Variants in KLRF1 observed in about 807,000 individuals in gnomAD.
KLRF1 encodes killer cell lectin-like receptor subfamily F member 1.
A neutral mutation model predicts 30.7 loss-of-function variants in KLRF1; 27 were observed. That is an observed-to-expected ratio of 0.88 (90% CI 0.65 to 1.21). KLRF1 has a LOEUF of 1.21. Among genes scored for constraint, KLRF1 ranks in the 50% most tolerant of loss-of-function variants. The pLI is 0.00. For missense variants in KLRF1, 246 were observed against 259.3 expected, an observed-to-expected ratio of 0.95 and a Z score of 0.35; for synonymous variants, 92 against 89.3, an observed-to-expected ratio of 1.03 and a Z score of -0.17.
chr12:9,844,306 A>C lies in KLRF1; in HGVS notation c.588-112A>C, dbSNP rs58725336. On this transcript the variant is annotated intron_variant, in intron 5 of 5. Transcript: ENST00000617889. ...CGTTAGTGAATCCAAGTATGTAAAA[A>C]TGCTTTGAGATTTTGAATTACTTTT... The C allele has an allele frequency of 1.2e-3, 745 of 609,896 alleles. 3 individuals carry two copies. The African/African-American group carries it at 0.013, about 11-fold the overall frequency. 37.8% of individuals were successfully genotyped at this position (609,896 alleles called of 1,614,324 possible). A position where few individuals can be genotyped will look rare whatever the true frequency, so the allele number is the denominator to read the frequency against.
intron 1 of KLRF1, 37 bp from the exon 2 acceptor site, chr12:9,832,279 T>C: frequency 8.7e-7 from 1 of 1,147,034 alleles, no homozygotes; most frequent in South Asian, 1.3e-5. Context: ...CCTGGAAGCA[T>C]ACTTTTCTAA....
chr12:9,835,582 T>C (rs1867557838), intron 3 of KLRF1, among the ~76,000 whole-genome samples: 1 of 152,084 alleles, frequency 6.6e-6, no homozygotes, highest in African/African-American at 2.4e-5. Context: ...TCCTAAGCAA[T>C]AATTACTGCT....
chr12:9,801,380 G>A, the KLRF1 span, among the ~76,000 whole-genome samples: 4 of 151,910 alleles, frequency 2.6e-5, no homozygotes, highest in Non-Finnish European at 2.9e-5. Flanking sequence ...GGATTGCTGG[G>A]TCAAATGGTA....
rs1231498860 is a variant in KLRF1, at chr12:9,832,366, A to G, written c.136A>G (p.Thr46Ala). The G allele has an allele frequency of 3.7e-6, 6 of 1,610,414 alleles. No homozygotes were observed. The highest frequency in any genetic ancestry group is 5.1e-6 in the Non-Finnish European group (6 of 1,177,280). Residue 46 changes from threonine to alanine, a missense_variant, in exon 2 of 6, where the codon ACC becomes GCC. Thr to Ala is a moderately conservative substitution (Grantham distance 58). Coordinates refer to ENST00000617889, the MANE Select transcript of KLRF1 (RefSeq NM_016523.3). ...TAAAATCTTACTGGGAATATCTGGA[A>G]CCGTGAATGGTATTCTCACTTTGAC... ...WYKILLGISG[T>A]VNGILTLTLI... is the part of the protein sequence containing the mutation.
At chr12:9,809,475 C>T in the KLRF1 span, among the ~76,000 whole-genome samples, 4 of 151,968 alleles carry the variant, frequency 2.6e-5, no homozygotes, top group African/African-American at 4.8e-5. Flanking sequence ...TAGTTGAAAC[C>T]GTAACTTAAG....
chr12:9,832,424 G>A lies in KLRF1; in HGVS notation c.184+10G>A. 1 of 1,432,162 alleles carries A rather than the reference G, an allele frequency of 7.0e-7. No homozygotes were observed. Among genetic ancestry groups the A allele is most frequent in the Non-Finnish European group, 9.8e-7 (1 of 1,019,312 alleles). 88.7% of individuals were successfully genotyped at this position (1,432,162 alleles called of 1,614,324 possible). On this transcript the variant is annotated intron_variant, in intron 2 of 5. Transcript: ENST00000617889. ...TCCTTGATCCTGTTGGGTAAGTTTA[G>A]AAGATCTTAATTAAATAAAAATATG... is the stretch of plus-strand genomic sequence containing the variant.
upstream of KLRF1, chr12:9,827,349 A>G (rs1439496414): frequency 5.6e-6 from 2 of 354,910 alleles, no homozygotes; most frequent in Non-Finnish European, 1.0e-5. Context: ...GTCATGGGAA[A>G]GCAACTTTTA....
chr12:9,813,083 G>T, the KLRF1 span, among the ~76,000 whole-genome samples: 1 of 152,010 alleles, frequency 6.6e-6, no homozygotes. Flanking sequence ...GTGCACTGTG[G>T]AAACCTGCTG....
the KLRF1 span, among the ~76,000 whole-genome samples, chr12:9,811,494 A>G: frequency 6.6e-6 from 1 of 152,170 alleles, no homozygotes; most frequent in Non-Finnish European, 1.5e-5. Flanking sequence ...GAAGAAGCTC[A>G]TGCAGAGCCC....
the KLRF1 span, among the ~76,000 whole-genome samples, chr12:9,804,147 C>G: frequency 8.6e-5 from 13 of 151,060 alleles, no homozygotes; most frequent in Admixed American, 2.0e-4. Flanking sequence ...GAAATGATAT[C>G]TTATTATGGT....
chr12:9,844,601 G>T lies in KLRF1; in HGVS notation c.*75G>T. 1 of 770,986 alleles carries T rather than the reference G, an allele frequency of 1.3e-6. No homozygotes were observed. Among genetic ancestry groups the T allele is most frequent in the Non-Finnish European group, 2.2e-6 (1 of 462,986 alleles). 47.8% of individuals were successfully genotyped at this position (770,986 alleles called of 1,614,324 possible). ...TATTAGTTTCTAATATTAATCTCCA[G>T]GTGTAAGATTTTAAAGTGCAATTAA... On this transcript the variant is annotated 3_prime_UTR_variant, in exon 6 of 6. Transcript: ENST00000617889.
upstream of KLRF1, among the ~76,000 whole-genome samples, chr12:9,825,260 T>TAA (rs35934573): frequency 0.034 from 4,726 of 138,032 alleles, 260 homozygotes; most frequent in African/African-American, 0.11. Context: ...AAGGTACTGG[T>TAA]AAAAAAAAAA....
At chr12:9,841,989 G>T (rs1279221940) in intron 4 of KLRF1, 38 bp downstream of exon 4, 13 of 1,560,684 alleles carry the variant, frequency 8.3e-6, no homozygotes, top group Non-Finnish European at 1.0e-5. Context: ...CATCTTTGCA[G>T]TAAAAAATGG....
the KLRF1 span, among the ~76,000 whole-genome samples, chr12:9,812,495 A>G: frequency 6.6e-6 from 1 of 152,140 alleles, no homozygotes; most frequent in Non-Finnish European, 1.5e-5. Flanking sequence ...CAATCTGTCA[A>G]GATATTTTGG....
At chr12:9,842,486 T>C in intron 5 of KLRF1, 53 bp downstream of exon 5, 1 of 1,526,564 alleles carries the variant, frequency 6.6e-7, no homozygotes, top group Non-Finnish European at 9.0e-7. Context: ...AGAATATGTC[T>C]CCTCCAGGTT....
chr12:9,835,411 C>T (rs978168574), intron 3 of KLRF1, among the ~76,000 whole-genome samples: 7 of 151,946 alleles, frequency 4.6e-5, no homozygotes, highest in Middle Eastern at 3.4e-3. Flanking sequence ...GGGGGAGGTT[C>T]GATTTTCATG....
intron 1 of KLRF1, 67 bp from the exon 2 acceptor site, chr12:9,832,249 C>A (rs766275155): frequency 7.2e-6 from 6 of 832,204 alleles, no homozygotes; most frequent in Non-Finnish European, 1.2e-5. Context: ...CCTATTATTA[C>A]AATTGCTATT....
At chr12:9,814,248 G>C in the KLRF1 span, among the ~76,000 whole-genome samples, 1 of 152,188 alleles carries the variant, frequency 6.6e-6, no homozygotes, top group Non-Finnish European at 1.5e-5. Context: ...AGCCACTTGA[G>C]TGAGGTCGCT....
intron 3 of KLRF1, among the ~76,000 whole-genome samples, chr12:9,836,645 C>A (rs948792517): frequency 6.6e-6 from 1 of 151,988 alleles, no homozygotes; most frequent in African/African-American, 2.4e-5. Flanking sequence ...TCTACTAGTT[C>A]GTATTTCCTC....
Sources: allele counts gnomAD v4.1 joint callset (sites outside exome capture counted in the v4.1 genomes callset), GRCh38; gene constraint gnomAD v4.1.1; transcripts MANE v1.5; gene names NCBI Gene and HGNC (gene_info 2026-07-23, HGNC 2026-07-21).